Variants in VPS13B observed in about 807,000 individuals in gnomAD.
VPS13B encodes the protein intermembrane lipid transfer protein VPS13B.
Under a neutral mutation model 426.4 loss-of-function variants are expected in VPS13B, and 285 were observed. The observed-to-expected ratio is 0.67, with a 90% CI of 0.61 to 0.74. The LOEUF (loss-of-function observed/expected upper bound fraction) is 0.74, where lower values mean the gene tolerates loss of function less well. Ranked by LOEUF, VPS13B falls within the 30% of genes least tolerant of loss-of-function variation. The probability of loss-of-function intolerance (pLI) is 0.00; values close to 1 mark genes in which losing one functional copy is unlikely to be tolerated. For synonymous variants in VPS13B, 1,676 were observed against 1,676.4 expected (o/e 1.00, Z 0.01); for missense variants, 4,537 against 4,782.6 (o/e 0.95, Z 1.51).
At chr8:99,316,074 C>T (rs1273532652) in intron 19 of VPS13B, among the ~76,000 whole-genome samples, 1 of 152,142 alleles carries the variant, frequency 6.6e-6, no homozygotes, top group Non-Finnish European at 1.5e-5. Flanking sequence ...ATAGGTTGGG[C>T]TAGCTGTGGC....
chr8:99,119,669 A>G (rs966649458), intron 7 of VPS13B, among the ~76,000 whole-genome samples: 1 of 152,168 alleles, frequency 6.6e-6, no homozygotes, highest in African/African-American at 2.4e-5. Context: ...TTCTCAGGTG[A>G]AAGAAGGTAA....
At chr8:99,429,572 C>G (rs1394437598) in intron 21 of VPS13B, 1 of 152,116 alleles carries the variant, frequency 6.6e-6, no homozygotes, top group Admixed American at 6.6e-5. Flanking sequence ...TCCTACAGCT[C>G]CATTCTTCCA....
intron 17 of VPS13B, among the ~76,000 whole-genome samples, chr8:99,250,039 TG>T (rs1309656025): frequency 6.6e-6 from 1 of 152,236 alleles, no homozygotes; most frequent in Non-Finnish European, 1.5e-5. Context: ...ATTTTGCTGC[TG>T]TTTTTTTATT....
intron 3 of VPS13B, among the ~76,000 whole-genome samples, chr8:99,088,358 A>G (rs922640522): frequency 1.3e-5 from 2 of 152,272 alleles, no homozygotes; most frequent in African/African-American, 4.8e-5. Flanking sequence ...TCTCATTAGC[A>G]TCATTTTGCA....
chr8:99,691,776 G>A (rs370591070), intron 35 of VPS13B, among the ~76,000 whole-genome samples: 3 of 145,298 alleles, frequency 2.1e-5, no homozygotes, highest in African/African-American at 7.8e-5. Flanking sequence ...AGACCCATCA[G>A]TGTGCTGTAT....
At chr8:99,018,135 C>G (rs1481656060) in intron 2 of VPS13B, among the ~76,000 whole-genome samples, 1 of 152,052 alleles carries the variant, frequency 6.6e-6, no homozygotes, top group Non-Finnish European at 1.5e-5. Context: ...TAATCAGTCA[C>G]AGCACTTTGG....
chr8:99,076,011 C>T (rs549192996), intron 3 of VPS13B, among the ~76,000 whole-genome samples: 1 of 151,988 alleles, frequency 6.6e-6, no homozygotes, highest in South Asian at 2.1e-4. Flanking sequence ...TATAAACTTT[C>T]CTCTTAGTAT....
chr8:99,396,576 C>A (rs1243396702), intron 21 of VPS13B, among the ~76,000 whole-genome samples: 1 of 152,048 alleles, frequency 6.6e-6, no homozygotes, highest in Non-Finnish European at 1.5e-5. Flanking sequence ...ATTTTGTCAT[C>A]TACTATTTCA....
At chr8:99,501,322 C>T (rs767620180) in intron 25 of VPS13B, among the ~76,000 whole-genome samples, 9 of 152,090 alleles carry the variant, frequency 5.9e-5, no homozygotes, top group Admixed American at 3.9e-4. Context: ...AGTACATGAA[C>T]GGATTTGGCT....
chr8:99,507,900 T>C, intron 28 of VPS13B: 1 of 1,614,064 alleles, frequency 6.2e-7, no homozygotes, highest in Non-Finnish European at 8.5e-7. Context: ...TTGCTCTGGC[T>C]TCTTTCCTTC....
chr8:99,854,297 G>T (rs763070363), intron 56 of VPS13B, 41 bp downstream of exon 56: 1 of 1,596,000 alleles, frequency 6.3e-7, no homozygotes, highest in Non-Finnish European at 8.5e-7. Flanking sequence ...GCTAGAGCCC[G>T]GGTAGAAATG....
chr8:99,053,979 C>T (rs889814785), intron 3 of VPS13B, among the ~76,000 whole-genome samples: 10 of 152,342 alleles, frequency 6.6e-5, no homozygotes, highest in East Asian at 5.8e-4. Context: ...GCTGGGATTA[C>T]GGGCGTGAGC....
At chr8:99,377,824 A>G (rs1813569713) in intron 19 of VPS13B, among the ~76,000 whole-genome samples, 1 of 152,186 alleles carries the variant, frequency 6.6e-6, no homozygotes, top group African/African-American at 2.4e-5. Context: ...GAGTGTATGA[A>G]TAGGGTGTGG....
rs552425835 is a variant in VPS13B at position 99,680,008 on chromosome 8, T to C, written c.6046+18517T>C. Among the ~76,000 whole-genome samples the C allele has an allele frequency of 1.1e-4, 16 of 152,342 alleles. No homozygotes were observed. In the South Asian group the frequency reaches 3.3e-3, roughly 32 times the overall value. On this transcript the variant is annotated intron_variant, in intron 35 of 61. Transcript: ENST00000357162. ...GGTGAATAAAAACATCATTTCTGTG[T>C]CTGTACATAGCCACCCGTGTATGCA...
chr8:99,037,499 C>T (rs1273214016), intron 2 of VPS13B, among the ~76,000 whole-genome samples: 2 of 152,088 alleles, frequency 1.3e-5, no homozygotes, highest in African/African-American at 4.8e-5. Context: ...TGGTCTTAAT[C>T]ACTTTGCTAT....
chr8:99,423,274 T>C (rs1444271053), intron 21 of VPS13B, among the ~76,000 whole-genome samples: 1 of 152,066 alleles, frequency 6.6e-6, no homozygotes, highest in Non-Finnish European at 1.5e-5. Context: ...TTTTTTTTTT[T>C]TTGAAACAGT....
chr8:99,835,819 A>T, intron 54 of VPS13B, 81 bp downstream of exon 54: 2 of 1,381,284 alleles, frequency 1.4e-6, no homozygotes, highest in South Asian at 1.2e-5. Context: ...ATTTTTAAAC[A>T]TAATTTTCTA....
chr8:99,723,122 C>T (rs1435436410), intron 39 of VPS13B, among the ~76,000 whole-genome samples: 1 of 152,200 alleles, frequency 6.6e-6, no homozygotes, highest in Non-Finnish European at 1.5e-5. Flanking sequence ...AAGTCTTGCT[C>T]TAGCACTTGC....
At chr8:99,126,547 C>G (rs1044862116) in intron 8 of VPS13B, among the ~76,000 whole-genome samples, 1 of 152,156 alleles carries the variant, frequency 6.6e-6, no homozygotes, top group Non-Finnish European at 1.5e-5. Context: ...TTGGAATGAT[C>G]ATCTCTCTGG....
Sources: gnomAD v4.1 joint callset for allele counts (sites outside exome capture counted in the v4.1 genomes callset) on GRCh38, gnomAD v4.1.1 for gene constraint, MANE v1.5 for transcripts, NCBI Gene and HGNC (gene_info 2026-07-23, HGNC 2026-07-21) for gene names.